The following DPP6 variants were observed in gnomAD, a reference collection of about 807,000 sequenced individuals.
DPP6 encodes dipeptidyl peptidase like 6, also known as A-type potassium channel modulatory protein DPP6.
A neutral mutation model predicts 122.6 loss-of-function variants in DPP6; 69 were observed. That is an observed-to-expected ratio of 0.56 (90% CI 0.46 to 0.69). DPP6 has a LOEUF of 0.69. Ranked by LOEUF, DPP6 falls within the 30% of genes least tolerant of loss-of-function variation. DPP6 has a pLI of 0.00. For synonymous variants in DPP6, 418 were observed against 433.1 expected (o/e 0.97, Z 0.43); for missense variants, 928 against 1,116.9 (o/e 0.83, Z 2.41).
At chr7:154,136,200 G>A (rs897514375) in intron 1 of DPP6, among the ~76,000 whole-genome samples, 5 of 152,104 alleles carry the variant, frequency 3.3e-5, no homozygotes, top group African/African-American at 4.8e-5. Flanking sequence ...TTTCTTGGTG[G>A]CACTTACATA....
intron 1 of DPP6, among the ~76,000 whole-genome samples, chr7:153,974,757 G>A (rs951520738): frequency 6.6e-6 from 1 of 152,150 alleles, no homozygotes; most frequent in African/African-American, 2.4e-5. Context: ...TTGAAGTCAA[G>A]CGCTGTGTCA....
intron 2 of DPP6, among the ~76,000 whole-genome samples, chr7:154,452,219 A>C (rs1820443951): frequency 6.6e-6 from 1 of 152,270 alleles, no homozygotes; most frequent in Admixed American, 6.5e-5. Flanking sequence ...GTCCACGTAA[A>C]GACAATGCAT....
In DPP6 at chr7:154,574,784, T is replaced by C. The variant is rs1381691592; in HGVS notation, c.627+7868T>C. Among the ~76,000 whole-genome samples the C allele has an allele frequency of 3.6e-3, 375 of 103,574 alleles. 1 individual carries two copies. The highest frequency in any genetic ancestry group is 0.021 in the Middle Eastern group (4 of 192). 67.9% of individuals were successfully genotyped at this position (103,574 alleles called of 152,430 possible). A position where few individuals can be genotyped will look rare whatever the true frequency, so the allele number is the denominator to read the frequency against. ...TGTATATGTGTGTGGTGCATATGTG[T>C]GTGTGTGTGGTGTGTGTTTGTGTGT... On this transcript the variant is annotated intron_variant, in intron 5 of 25. Transcript: ENST00000377770.
chr7:154,873,952 A>ACG lies in DPP6; in HGVS notation c.1883+1260_1883+1261insGC, dbSNP rs1554492538. Among the ~76,000 whole-genome samples, 23 of 145,010 alleles carry ACG rather than the reference A, an allele frequency of 1.6e-4. No individual in the cohort carries two copies. The East Asian group carries it at 3.5e-3, about 22-fold the overall frequency. On this transcript the variant is annotated intron_variant, in intron 19 of 25. Transcript: ENST00000377770. The stretch of plus-strand genomic sequence containing the variant: ...CACCCACATGTGCACACATGCACAC[A>ACG]CACACGCACCTGCATACATAAGCAC...
At chr7:154,000,065 A>G (rs1394475999) in intron 1 of DPP6, among the ~76,000 whole-genome samples, 8 of 152,196 alleles carry the variant, frequency 5.3e-5, no homozygotes, top group African/African-American at 1.9e-4. Context: ...TTGCTTTGTA[A>G]TGTTTACAAT....
At chr7:154,018,562 A>G (rs1002792152) in intron 1 of DPP6, among the ~76,000 whole-genome samples, 5 of 152,274 alleles carry the variant, frequency 3.3e-5, no homozygotes, top group South Asian at 4.2e-4. Flanking sequence ...TAAGCTCACA[A>G]CCCAGCTTGT....
At chr7:153,822,361 T>C in the DPP6 span, among the ~76,000 whole-genome samples, 3 of 151,994 alleles carry the variant, frequency 2.0e-5, no homozygotes, top group African/African-American at 4.8e-5. Context: ...AGCTAATTTT[T>C]TGTATTTTTA....
At chr7:153,855,145 A>G in the DPP6 span, among the ~76,000 whole-genome samples, 5 of 147,176 alleles carry the variant, frequency 3.4e-5, no homozygotes, top group South Asian at 2.2e-4. Flanking sequence ...GCTAGATGAC[A>G]AGTTAGTGGG....
chr7:154,737,565 G>T (rs1421045236), intron 8 of DPP6, among the ~76,000 whole-genome samples: 1 of 152,136 alleles, frequency 6.6e-6, no homozygotes, highest in African/African-American at 2.4e-5. Flanking sequence ...GACACAGAGG[G>T]CCAACTCTTT....
intron 1 of DPP6, among the ~76,000 whole-genome samples, chr7:154,405,185 G>T (rs1815976104): frequency 6.6e-6 from 1 of 152,126 alleles, no homozygotes; most frequent in Non-Finnish European, 1.5e-5. Flanking sequence ...ATGACTTGGA[G>T]AGTTTATTAG....
intron 1 of DPP6, among the ~76,000 whole-genome samples, chr7:154,068,092 C>G (rs1363754743): frequency 6.6e-6 from 1 of 151,942 alleles, no homozygotes; most frequent in Non-Finnish European, 1.5e-5. Flanking sequence ...ATGAAACGAA[C>G]AGAATTTGGC....
At chr7:153,866,480 G>A in the DPP6 span, among the ~76,000 whole-genome samples, 2 of 152,094 alleles carry the variant, frequency 1.3e-5, no homozygotes, top group African/African-American at 4.8e-5. Context: ...CATATCCTTT[G>A]CCCACTTTTT....
intron 1 of DPP6, among the ~76,000 whole-genome samples, chr7:153,971,442 G>A (rs1315821830): frequency 6.8e-6 from 1 of 147,700 alleles, no homozygotes; most frequent in Non-Finnish European, 1.5e-5. Flanking sequence ...TTGTTACACT[G>A]GCTAGGACTG....
chr7:154,419,552 T>C (rs192453474), intron 1 of DPP6, among the ~76,000 whole-genome samples: 16 of 152,280 alleles, frequency 1.1e-4, no homozygotes, highest in Non-Finnish European at 1.9e-4. Context: ...TGTTGTGCAC[T>C]TCACCAGCGA....
intron 1 of DPP6, among the ~76,000 whole-genome samples, chr7:153,937,101 C>T (rs1347822516): frequency 6.6e-6 from 1 of 152,148 alleles, no homozygotes; most frequent in Non-Finnish European, 1.5e-5. Context: ...CCCAGGAAAG[C>T]AGCTGGGGAA....
intron 1 of DPP6, among the ~76,000 whole-genome samples, chr7:154,417,556 A>G (rs1817132171): frequency 6.7e-6 from 1 of 149,866 alleles, no homozygotes; most frequent in Non-Finnish European, 1.5e-5. Context: ...TTCCCTCCCC[A>G]CCTCCCACCC....
At chr7:154,148,505 G>A (rs1195728711) in intron 1 of DPP6, among the ~76,000 whole-genome samples, 4 of 148,308 alleles carry the variant, frequency 2.7e-5, no homozygotes, top group Non-Finnish European at 4.5e-5. Flanking sequence ...AAAGTGGAGC[G>A]ATGATGTGAG....
chr7:154,502,206 G>A (rs189888404), intron 3 of DPP6, among the ~76,000 whole-genome samples: 2 of 152,142 alleles, frequency 1.3e-5, no homozygotes, highest in South Asian at 4.1e-4. Context: ...AGACAGAAGG[G>A]ACTTGCCTTG....
chr7:154,716,852 G>A (rs1841515977), intron 7 of DPP6, among the ~76,000 whole-genome samples: 1 of 151,988 alleles, frequency 6.6e-6, no homozygotes, highest in Non-Finnish European at 1.5e-5. Context: ...GCTGTTTTTT[G>A]AGACACAGTC....
Sources: allele counts gnomAD v4.1 joint callset (sites outside exome capture counted in the v4.1 genomes callset), GRCh38; gene constraint gnomAD v4.1.1; transcripts MANE v1.5; gene names NCBI Gene and HGNC (gene_info 2026-07-23, HGNC 2026-07-21).